The following MAGI1 variants were observed in gnomAD, a reference collection of about 807,000 sequenced individuals.
MAGI1 encodes membrane-associated guanylate kinase, WW and PDZ domain-containing protein 1.
In MAGI1, 58 loss-of-function variants were observed where a neutral mutation model predicts 139.9. That is an observed-to-expected ratio of 0.41 (90% CI 0.34 to 0.52). MAGI1 has a LOEUF of 0.52. Ranked by LOEUF, MAGI1 falls within the 20% of genes least tolerant of loss-of-function variation. The probability of loss-of-function intolerance (pLI) is 0.12; values close to 1 mark genes in which losing one functional copy is unlikely to be tolerated. For synonymous variants in MAGI1, 812 were observed against 737.9 expected, an observed-to-expected ratio of 1.10 and a Z score of -1.63; for missense variants, 1,874 against 1,901.6, an observed-to-expected ratio of 0.99 and a Z score of 0.27.
In MAGI1 at chr3:65,493,456, G is replaced by T. The variant is rs1432728954; in HGVS notation, c.550+56C>A. ...AAACATTTTTGCCTGGATGGCTCTGGCTCCTCTCAAGTACCCAGGAGAGAA... is the reference window on the plus strand; with the variant it reads ...AAACATTTTTGCCTGGATGGCTCTGTCTCCTCTCAAGTACCCAGGAGAGAA... On this transcript the variant is annotated intron_variant, in intron 3 of 22. Coordinates refer to ENST00000402939, the MANE Select transcript of MAGI1 (RefSeq NM_001033057.2). 1.9e-6 allele frequency: 3 copies of T among 1,608,928 alleles called. No homozygotes were observed. In the African/African-American group the frequency reaches 4.0e-5, roughly 22 times the overall value.
At position 66,038,709 on chromosome 3, in the gene MAGI1, G is replaced by C. The variant is rs571740212; in HGVS notation, c.-401C>G. On this transcript the variant is annotated 5_prime_UTR_variant, in exon 1 of 23. Transcript: ENST00000402939. The stretch of plus-strand genomic sequence containing the variant: ...CCTCCCGCCCGGCTCGCCTCTCCTC[G>C]CTGGCAGGCTGTTACTGAGGGTGAG... The C allele has an allele frequency of 2.0e-3, 338 of 173,086 alleles. No homozygotes were observed. The highest frequency in any genetic ancestry group is 5.6e-3 in the Middle Eastern group (2 of 358). The allele number at this position is 173,086 out of a possible 1,614,324, so 10.7% of individuals were successfully genotyped here. A position where few individuals can be genotyped will look rare whatever the true frequency, so the allele number is the denominator to read the frequency against.
rs112561443 is a variant in MAGI1 at position 65,411,803 on chromosome 3, T to TAGGAC, written c.2168-10338_2168-10334dup. On this transcript the variant is annotated intron_variant, in intron 12 of 22. Transcript: ENST00000402939. ...AATAATATCCGGGCTTTTAACCTTA[T>TAGGAC]AGGACACCAAACCCCTGAAACCTAA... 2.6e-3 allele frequency among the ~76,000 whole-genome samples: 395 copies of TAGGAC among 152,264 alleles called. 1 individual carries two copies. Among genetic ancestry groups the TAGGAC allele is most frequent in the African/African-American group, 8.9e-3 (368 of 41,552 alleles).
chr3:65,743,102 T>A (rs1374286481), intron 1 of MAGI1, among the ~76,000 whole-genome samples: 1 of 152,198 alleles, frequency 6.6e-6, no homozygotes, highest in Non-Finnish European at 1.5e-5. Flanking sequence ...TAGATACGTC[T>A]AGGCATACAA....
At chr3:66,013,688 G>T (rs1428583294) in intron 1 of MAGI1, among the ~76,000 whole-genome samples, 1 of 150,688 alleles carries the variant, frequency 6.6e-6, no homozygotes, top group African/African-American at 2.4e-5. Context: ...TTGAACCCAG[G>T]ACGTGAGGCT....
chr3:65,524,994 T>C (rs1202757549), intron 2 of MAGI1, among the ~76,000 whole-genome samples: 1 of 152,176 alleles, frequency 6.6e-6, no homozygotes, highest in African/African-American at 2.4e-5. Flanking sequence ...CCAGAAACAA[T>C]TATTTCACCA....
chr3:65,436,087 G>C (rs1381207740), intron 10 of MAGI1, among the ~76,000 whole-genome samples: 1 of 152,086 alleles, frequency 6.6e-6, no homozygotes, highest in Non-Finnish European at 1.5e-5. Context: ...ATTAAAAAGT[G>C]CATTCATGCC....
At chr3:65,843,527 T>C (rs956186696) in intron 1 of MAGI1, among the ~76,000 whole-genome samples, 7 of 152,216 alleles carry the variant, frequency 4.6e-5, no homozygotes, top group Admixed American at 1.3e-4. Flanking sequence ...GTTTGTTACA[T>C]AGCACTAGAT....
chr3:65,864,402 T>C (rs1391850182), intron 1 of MAGI1, among the ~76,000 whole-genome samples: 1 of 152,164 alleles, frequency 6.6e-6, no homozygotes, highest in Non-Finnish European at 1.5e-5. Context: ...ATGGATGAAA[T>C]AGCTTTCCTA....
chr3:65,781,489 G>A (rs1034835300), intron 1 of MAGI1, among the ~76,000 whole-genome samples: 2 of 152,110 alleles, frequency 1.3e-5, no homozygotes, highest in East Asian at 1.9e-4. Context: ...ATATAAACAC[G>A]TACGTGGTGG....
intron 2 of MAGI1, among the ~76,000 whole-genome samples, chr3:65,519,371 C>T (rs962097182): frequency 1.2e-5 from 1 of 82,682 alleles, no homozygotes; most frequent in Non-Finnish European, 2.8e-5. Flanking sequence ...CACACACACA[C>T]ACACACACAC....
intron 2 of MAGI1, among the ~76,000 whole-genome samples, chr3:65,603,722 T>A (rs756124536): frequency 6.6e-6 from 1 of 152,226 alleles, no homozygotes; most frequent in African/African-American, 2.4e-5. Context: ...CAGTCGTTTA[T>A]AAAGAACAGA....
At chr3:65,721,456 G>A (rs1559819399) in intron 1 of MAGI1, among the ~76,000 whole-genome samples, 1 of 152,212 alleles carries the variant, frequency 6.6e-6, no homozygotes. Context: ...AAGCTAGTAA[G>A]TGTGGTCACC....
chr3:65,457,190 C>T (rs775919670), intron 5 of MAGI1, among the ~76,000 whole-genome samples: 3 of 151,734 alleles, frequency 2.0e-5, no homozygotes, highest in Non-Finnish European at 4.4e-5. Flanking sequence ...GACATTGTCT[C>T]AAAATAAAAT....
intron 1 of MAGI1, among the ~76,000 whole-genome samples, chr3:66,037,080 T>C (rs115004313): frequency 9.7e-4 from 147 of 152,326 alleles, no homozygotes; most frequent in African/African-American, 3.4e-3. Flanking sequence ...CTTAAGGCTC[T>C]GCAGCAAGGG....
intron 1 of MAGI1, among the ~76,000 whole-genome samples, chr3:65,742,406 G>A (rs972855393): frequency 1.3e-5 from 2 of 152,120 alleles, no homozygotes; most frequent in African/African-American, 4.8e-5. Context: ...ACTTTTTTAT[G>A]TAGAGCAAGT....
intron 1 of MAGI1, among the ~76,000 whole-genome samples, chr3:65,783,683 T>C (rs1215375018): frequency 6.7e-6 from 1 of 150,218 alleles, no homozygotes; most frequent in Non-Finnish European, 1.5e-5. Context: ...TTTTCAGTAG[T>C]GATGGGGTTT....
intron 12 of MAGI1, among the ~76,000 whole-genome samples, chr3:65,413,342 T>C (rs1258568364): frequency 1.3e-5 from 2 of 152,152 alleles, no homozygotes; most frequent in African/African-American, 4.8e-5. Flanking sequence ...AGAAATCATA[T>C]AAGCCTTAGA....
chr3:65,577,104 C>T (rs1338140984), intron 2 of MAGI1, among the ~76,000 whole-genome samples: 1 of 152,160 alleles, frequency 6.6e-6, no homozygotes, highest in Non-Finnish European at 1.5e-5. Flanking sequence ...AAGACAGTCA[C>T]CCTAGGTGCT....
At chr3:65,591,424 C>T (rs976582911) in intron 2 of MAGI1, among the ~76,000 whole-genome samples, 1 of 152,176 alleles carries the variant, frequency 6.6e-6, no homozygotes, top group African/African-American at 2.4e-5. Context: ...TGTACACCTC[C>T]ACTACCATTA....
Sources: allele counts gnomAD v4.1 joint callset (sites outside exome capture counted in the v4.1 genomes callset), GRCh38; gene constraint gnomAD v4.1.1; transcripts MANE v1.5; gene names NCBI Gene and HGNC (gene_info 2026-07-23, HGNC 2026-07-21).